SSBP3: variants seen among roughly 807,000 people sequenced by gnomAD.
The protein encoded by SSBP3 is single-stranded DNA-binding protein 3.
In SSBP3, 5 loss-of-function variants were observed where a neutral mutation model predicts 69.6. The observed-to-expected ratio is 0.07, with a 90% confidence interval of 0.04 to 0.15. The LOEUF is 0.15. Among genes scored for constraint, SSBP3 ranks in the 10% least tolerant of loss-of-function variants. The pLI, the probability that SSBP3 is intolerant of heterozygous loss-of-function variation, is 1.00. For synonymous variants in SSBP3, 196 were observed against 193.4 expected (o/e 1.01, Z -0.11); for missense variants, 312 against 534.0 (o/e 0.58, Z 4.10).
At chr1:54,361,592 G>T (rs1351221931) in intron 4 of SSBP3, among the ~76,000 whole-genome samples, 2 of 152,098 alleles carry the variant, frequency 1.3e-5, no homozygotes, top group African/African-American at 4.8e-5. Context: ...TCCTGAGCAG[G>T]GGGCCTCAGA....
chr1:54,318,437 G>GA (rs1646153537), intron 4 of SSBP3, among the ~76,000 whole-genome samples: 1 of 150,396 alleles, frequency 6.6e-6, no homozygotes, highest in Non-Finnish European at 1.5e-5. Context: ...GTAGGATTAA[G>GA]TTTTTTTTTT....
chr1:54,380,154 C>T (rs188735460), intron 4 of SSBP3, among the ~76,000 whole-genome samples: 3 of 152,292 alleles, frequency 2.0e-5, no homozygotes, highest in South Asian at 2.1e-4. Context: ...AAGTTGGTGG[C>T]GGCCTCGGCT....
chr1:54,245,448 G>A (rs140308359), intron 9 of SSBP3, among the ~76,000 whole-genome samples: 1 of 152,310 alleles, frequency 6.6e-6, no homozygotes, highest in African/African-American at 2.4e-5. Context: ...TGGGAAGATG[G>A]AGACCTGGAG....
intron 4 of SSBP3, among the ~76,000 whole-genome samples, chr1:54,363,486 A>C (rs1022219177): frequency 1.3e-5 from 2 of 152,202 alleles, no homozygotes; most frequent in Non-Finnish European, 2.9e-5. Flanking sequence ...GACAGTTATA[A>C]ATTAGACAAG....
At chr1:54,225,646 AAGGG>A (rs1470980888) in exon 18 of SSBP3, 2 of 307,400 alleles carry the variant, frequency 6.5e-6, no homozygotes, top group African/African-American at 4.3e-5. Flanking sequence ...ATGGATCAGA[AAGGG>A]AGGGAGTAAA....
intron 4 of SSBP3, among the ~76,000 whole-genome samples, chr1:54,379,934 C>CGCACTCATTTTTTGGGGCTGGGAAAGGG (rs1185113046): frequency 2.0e-5 from 3 of 152,214 alleles, no homozygotes; most frequent in Non-Finnish European, 4.4e-5. Flanking sequence ...ACACTGGGAG[C>CGCACTCATTTTTTGGGGCTGGGAAAGGG]GCACTCATTT....
intron 9 of SSBP3, among the ~76,000 whole-genome samples, chr1:54,247,600 T>C (rs1321554553): frequency 6.6e-6 from 1 of 152,126 alleles, no homozygotes; most frequent in African/African-American, 2.4e-5. Flanking sequence ...GGGCTGTGGA[T>C]TCTCCTTCAT....
intron 7 of SSBP3, among the ~76,000 whole-genome samples, chr1:54,252,426 G>A (rs1644845725): frequency 6.6e-6 from 1 of 152,240 alleles, no homozygotes; most frequent in Non-Finnish European, 1.5e-5. Flanking sequence ...TCACAGGCCT[G>A]CGGGCTCCCA....
chr1:54,363,058 C>T (rs1646975091), intron 4 of SSBP3, among the ~76,000 whole-genome samples: 1 of 152,098 alleles, frequency 6.6e-6, no homozygotes, highest in South Asian at 2.1e-4. Context: ...CAGCCTCCAT[C>T]AGTGTGGATA....
intron 5 of SSBP3, among the ~76,000 whole-genome samples, chr1:54,261,563 C>T (rs894011563): frequency 1.6e-4 from 25 of 152,272 alleles, no homozygotes; most frequent in Admixed American, 1.6e-3. Context: ...GAGGGAGTCT[C>T]AAAGCTGATG....
rs151070537 is a variant in SSBP3 at position 54,386,363 on chromosome 1, C to G, written c.276+15498G>C. On this transcript the variant is annotated intron_variant, in intron 4 of 17. Coordinates refer to ENST00000610401, the Ensembl canonical transcript of SSBP3. ...TTTATCCTTCAGATAAAATGCCCCA[C>G]GGGCACAGCACCTTATGGAGCGGTC... is the stretch of plus-strand genomic sequence containing the variant. Among the ~76,000 whole-genome samples the G allele has an allele frequency of 8.9e-3, 1,351 of 152,314 alleles. 9 individuals carry two copies. The highest frequency in any genetic ancestry group is 0.013 in the Non-Finnish European group (871 of 68,022).
chr1:54,398,275 CAT>C (rs902728471), intron 4 of SSBP3, among the ~76,000 whole-genome samples: 6 of 152,194 alleles, frequency 3.9e-5, no homozygotes, highest in African/African-American at 1.4e-4. Flanking sequence ...CACATGAAAA[CAT>C]GTTATAAAAA....
chr1:54,236,994 T>C (rs909902511), intron 14 of SSBP3: 1 of 152,226 alleles, frequency 6.6e-6, no homozygotes, highest in Non-Finnish European at 1.5e-5. Context: ...CTGCCAAATA[T>C]GTAGATAAAT....
At chr1:54,278,401 C>T (rs1270336323) in intron 5 of SSBP3, among the ~76,000 whole-genome samples, 2 of 151,978 alleles carry the variant, frequency 1.3e-5, no homozygotes, top group Non-Finnish European at 2.9e-5. Context: ...TAACTTGCTA[C>T]CAGAGACATC....
intron 4 of SSBP3, among the ~76,000 whole-genome samples, chr1:54,300,909 C>T (rs1431503136): frequency 6.6e-6 from 1 of 152,204 alleles, no homozygotes; most frequent in Admixed American, 6.5e-5. Flanking sequence ...GTTCCCTGAA[C>T]CCCATCAGGA....
intron 4 of SSBP3, among the ~76,000 whole-genome samples, chr1:54,353,011 G>C (rs1020126718): frequency 6.6e-6 from 1 of 152,174 alleles, no homozygotes; most frequent in Admixed American, 6.5e-5. Context: ...GAGGCAGTAG[G>C]TGACGCGGGG....
At chr1:54,327,020 CA>C (rs766496434) in intron 4 of SSBP3, among the ~76,000 whole-genome samples, 3 of 151,952 alleles carry the variant, frequency 2.0e-5, no homozygotes, top group Admixed American at 6.6e-5. Flanking sequence ...CAAGGACAGG[CA>C]ACGCCAGGGC....
chr1:54,329,600 G>A (rs1341752392), intron 4 of SSBP3, among the ~76,000 whole-genome samples: 1 of 152,218 alleles, frequency 6.6e-6, no homozygotes, highest in East Asian at 1.9e-4. Context: ...GGGGAGGTGA[G>A]CAAGCCTCAA....
chr1:54,388,680 T>C (rs931877275), intron 4 of SSBP3, among the ~76,000 whole-genome samples: 1 of 152,204 alleles, frequency 6.6e-6, no homozygotes, highest in Non-Finnish European at 1.5e-5. Context: ...CCTTGGGATA[T>C]ATCTGTAAGG....
Sources: allele counts gnomAD v4.1 joint callset (sites outside exome capture counted in the v4.1 genomes callset), GRCh38; gene constraint gnomAD v4.1.1; transcripts MANE v1.5; gene names NCBI Gene and HGNC (gene_info 2026-07-23, HGNC 2026-07-21).